ZDHHC2: variants seen among roughly 807,000 people sequenced by gnomAD.
ZDHHC2 encodes the protein palmitoyltransferase ZDHHC2.
In ZDHHC2, 51 loss-of-function variants were observed where a neutral mutation model predicts 55.6. That is an observed-to-expected ratio of 0.92 (90% confidence interval 0.73 to 1.16). The LOEUF is 1.16. Ranked by LOEUF, ZDHHC2 falls within the 50% of genes most tolerant of loss-of-function variation. The pLI, the probability that ZDHHC2 is intolerant of heterozygous loss-of-function variation, is 0.00. For missense variants in ZDHHC2, 491 were observed against 442.4 expected, an observed-to-expected ratio of 1.11 and a Z score of -0.99; for synonymous variants, 199 against 152.9, an observed-to-expected ratio of 1.30 and a Z score of -2.22.
intron 1 of ZDHHC2, among the ~76,000 whole-genome samples, chr8:17,158,093 CA>C (rs1192267642): frequency 9.0e-5 from 13 of 144,992 alleles, no homozygotes; most frequent in South Asian, 2.2e-4. Flanking sequence ...CTTAATAGTC[CA>C]AAAAAAAAAC....
chr8:17,183,601 G>A (rs1805545520), intron 1 of ZDHHC2, among the ~76,000 whole-genome samples: 1 of 152,150 alleles, frequency 6.6e-6, no homozygotes, highest in Non-Finnish European at 1.5e-5. Context: ...TAAGAGATCT[G>A]GAAACCATAT....
intron 1 of ZDHHC2, 128 bp downstream of exon 1, chr8:17,156,981 C>T (rs990026848): frequency 7.1e-6 from 6 of 841,514 alleles, no homozygotes; most frequent in South Asian, 5.3e-5. Context: ...TGCCGCGTCC[C>T]GCCGGCTCCG....
intron 8 of ZDHHC2, among the ~76,000 whole-genome samples, chr8:17,208,619 G>A (rs1807220486): frequency 6.6e-6 from 1 of 151,882 alleles, no homozygotes; most frequent in African/African-American, 2.4e-5. Context: ...TATGCAATGA[G>A]GATTAATTAC....
At position 17,224,432 on chromosome 8, in the gene ZDHHC2, C is replaced by T. The variant is rs1808041321; in HGVS notation, c.*4211C>T. On this transcript the variant is annotated 3_prime_UTR_variant, in exon 13 of 13. Coordinates refer to ENST00000262096, the MANE Select transcript of ZDHHC2 (RefSeq NM_016353.5). ...TAAGCCCTGGTTTATGGCTAGTTCC[C>T]TTTTGCTCAGGAAAAATAGTACTAC... 6.6e-6 allele frequency: 1 copy of T among 151,526 alleles called. No homozygotes were observed. The highest frequency in any genetic ancestry group is 6.6e-5 in the Admixed American group (1 of 15,188). The allele number at this position is 151,526 out of a possible 1,614,324, so 9.4% of individuals were successfully genotyped here. A position where few individuals can be genotyped will look rare whatever the true frequency, so the allele number is the denominator to read the frequency against.
chr8:17,205,782 C>A lies in ZDHHC2; in HGVS notation c.597+7C>A, dbSNP rs1431956677. 1 of 1,592,474 alleles carries A rather than the reference C, an allele frequency of 6.3e-7. No homozygotes were observed. Among genetic ancestry groups the A allele is most frequent in the Non-Finnish European group, 8.5e-7 (1 of 1,173,854 alleles). The stretch of plus-strand genomic sequence containing the variant: ...TTTTATCAAATTTTGGACAGTAAGT[C>A]ATTAACTTGGTAACTCTTTTTTTGG... On this transcript the variant is annotated splice_region_variant and intron_variant, in intron 7 of 12. Transcript: ENST00000262096.
chr8:17,196,005 C>G (rs1418917555), intron 4 of ZDHHC2, among the ~76,000 whole-genome samples: 3 of 152,066 alleles, frequency 2.0e-5, no homozygotes, highest in African/African-American at 7.2e-5. Context: ...AAAATGAATA[C>G]TTTTACATGT....
rs1808055268 is a variant in ZDHHC2 at position 17,224,677 on chromosome 8, CTGT to C, written c.*4460_*4462del. 1 of 151,504 alleles carries C rather than the reference CTGT, an allele frequency of 6.6e-6. No homozygotes were observed. The highest frequency in any genetic ancestry group is 1.5e-5 in the Non-Finnish European group (1 of 67,692). 9.4% of individuals were successfully genotyped at this position (151,504 alleles called of 1,614,324 possible). On this transcript the variant is annotated 3_prime_UTR_variant, in exon 13 of 13. Coordinates refer to ENST00000262096, the MANE Select transcript of ZDHHC2 (RefSeq NM_016353.5). The stretch of plus-strand genomic sequence containing the variant: ...GATACTACAGAATGCGTCAGTTCTC[CTGT>C]TGTATTTTTCTCAGTTATGAGAGCA...
chr8:17,205,801 T>C (rs748182510), intron 7 of ZDHHC2, 26 bp downstream of exon 7: 2 of 1,581,928 alleles, frequency 1.3e-6, no homozygotes, highest in Admixed American at 1.9e-5. Context: ...GGTAACTCTT[T>C]TTTTGGTATA....
intron 2 of ZDHHC2, 98 bp from the exon 3 acceptor site, chr8:17,186,233 T>C (rs1319140921): frequency 1.4e-6 from 1 of 729,690 alleles, no homozygotes; most frequent in East Asian, 3.0e-5. Flanking sequence ...TTATAATTGG[T>C]AATTTGGTTA....
intron 1 of ZDHHC2, among the ~76,000 whole-genome samples, chr8:17,177,594 G>C (rs1805207022): frequency 6.6e-6 from 1 of 152,208 alleles, no homozygotes; most frequent in South Asian, 2.1e-4. Context: ...CAGAGGTAGA[G>C]TCTTATTTAC....
chr8:17,184,410 G>C (rs1018538149), intron 1 of ZDHHC2, among the ~76,000 whole-genome samples: 7 of 152,204 alleles, frequency 4.6e-5, no homozygotes, highest in Non-Finnish European at 8.8e-5. Context: ...AGTTTATCAA[G>C]AGCAATAAAT....
chr8:17,194,446 A>T (rs191975129), intron 3 of ZDHHC2, among the ~76,000 whole-genome samples: 39 of 151,612 alleles, frequency 2.6e-4, no homozygotes, highest in Middle Eastern at 3.4e-3. Flanking sequence ...AGTATGTCAA[A>T]CATTGTTCAT....
At chr8:17,179,152 G>A (rs1194676964) in intron 1 of ZDHHC2, among the ~76,000 whole-genome samples, 1 of 152,056 alleles carries the variant, frequency 6.6e-6, no homozygotes, top group East Asian at 1.9e-4. Flanking sequence ...ATGTTTCACT[G>A]TGTTGCCCGG....
chr8:17,192,143 C>T (rs1806065476), intron 3 of ZDHHC2, among the ~76,000 whole-genome samples: 1 of 152,072 alleles, frequency 6.6e-6, no homozygotes, highest in East Asian at 1.9e-4. Flanking sequence ...ATCACCACGC[C>T]TATCTAATTT....
intron 1 of ZDHHC2, among the ~76,000 whole-genome samples, chr8:17,160,164 C>G (rs1478187624): frequency 6.6e-6 from 1 of 152,142 alleles, no homozygotes; most frequent in South Asian, 2.1e-4. Flanking sequence ...TGAAGTTTCC[C>G]CTTTTAAGTG....
intron 6 of ZDHHC2, among the ~76,000 whole-genome samples, chr8:17,204,232 A>G (rs762295441): frequency 6.6e-6 from 1 of 152,192 alleles, no homozygotes; most frequent in African/African-American, 2.4e-5. Flanking sequence ...TTTTTTTCAC[A>G]TGAACATGGT....
At chr8:17,159,197 A>G (rs1391964846) in intron 1 of ZDHHC2, among the ~76,000 whole-genome samples, 1 of 152,192 alleles carries the variant, frequency 6.6e-6, no homozygotes, top group African/African-American at 2.4e-5. Flanking sequence ...GCAAATGGAA[A>G]TACCAGCCCC....
intron 10 of ZDHHC2, among the ~76,000 whole-genome samples, chr8:17,214,634 T>A (rs1386086461): frequency 1.3e-5 from 2 of 152,096 alleles, no homozygotes; most frequent in Admixed American, 1.3e-4. Context: ...ATAGGCCCGG[T>A]GTGGTGGCCT....
At chr8:17,197,987 A>G (rs1293274164) in intron 5 of ZDHHC2, among the ~76,000 whole-genome samples, 1 of 152,224 alleles carries the variant, frequency 6.6e-6, no homozygotes, top group East Asian at 1.9e-4. Flanking sequence ...ACGTTGTTAT[A>G]TATTTAATAT....
Sources: gnomAD v4.1 joint callset for allele counts (sites outside exome capture counted in the v4.1 genomes callset) on GRCh38, gnomAD v4.1.1 for gene constraint, MANE v1.5 for transcripts, NCBI Gene and HGNC (gene_info 2026-07-23, HGNC 2026-07-21) for gene names.